LRIG2: variants seen among roughly 807,000 people sequenced by gnomAD.
The protein encoded by LRIG2 is leucine rich repeats and immunoglobulin like domains 2, also known as leucine-rich repeats and immunoglobulin-like domains protein 2.
In LRIG2, 93 loss-of-function variants were observed where a neutral mutation model predicts 107.8. The observed-to-expected ratio is 0.86, with a 90% confidence interval of 0.73 to 1.03. The LOEUF (loss-of-function observed/expected upper bound fraction) is 1.03, where lower values mean the gene tolerates loss of function less well. LRIG2 is among the 50% of genes least tolerant of loss of function. The probability of loss-of-function intolerance (pLI) is 0.00; values close to 1 mark genes in which losing one functional copy is unlikely to be tolerated. For missense variants in LRIG2, 1,226 were observed against 1,296.0 expected (o/e 0.95, Z 0.83); for synonymous variants, 471 against 470.6 (o/e 1.00, Z -0.01).
At position 113,124,136 on chromosome 1, in the gene LRIG2, AT is replaced by A. The variant is rs755768387; in HGVS notation, c.*37del. The A allele has an allele frequency of 6.3e-7, 1 of 1,585,488 alleles. No homozygotes were observed. The highest frequency in any genetic ancestry group is 1.3e-5 in the African/African-American group (1 of 74,370). ...CAGGATGAAATCTGGGCAGAGACTT[AT>A]TAATTAATTTTGCATTTACTACCTC... On this transcript the variant is annotated 3_prime_UTR_variant, in exon 18 of 18. Coordinates refer to ENST00000361127, the MANE Select transcript of LRIG2 (RefSeq NM_014813.3).
At chr1:113,102,068 A>C (rs1158192859) in intron 11 of LRIG2, among the ~76,000 whole-genome samples, 2 of 152,194 alleles carry the variant, frequency 1.3e-5, no homozygotes, top group Non-Finnish European at 2.9e-5. Flanking sequence ...TCTTTTGAAG[A>C]TACAGCATTT....
Position 113,095,869 on chromosome 1 carries a change from T to A in LRIG2, c.804-5T>A, listed in dbSNP as rs1490703374. The A allele has an allele frequency of 6.2e-7, 1 of 1,614,056 alleles. No individual in the cohort carries two copies. The highest frequency in any genetic ancestry group is 1.3e-5 in the African/African-American group (1 of 74,942). On this transcript the variant is annotated splice_region_variant and splice_polypyrimidine_tract_variant and intron_variant, in intron 6 of 17. Coordinates refer to ENST00000361127, the MANE Select transcript of LRIG2 (RefSeq NM_014813.3). ...GTATTTTCTTCTCTTTCTCTAATTC[T>A]GCAGAGAACTGGAACACAACAACCT...
chr1:113,087,271 A>G (rs1056787752), intron 1 of LRIG2, among the ~76,000 whole-genome samples: 5 of 152,242 alleles, frequency 3.3e-5, no homozygotes, highest in South Asian at 2.1e-4. Flanking sequence ...AGAGACTTCA[A>G]TTTTTAAAAT....
chr1:113,109,137 TCTG>T (rs1192031557), intron 12 of LRIG2, among the ~76,000 whole-genome samples: 1 of 152,244 alleles, frequency 6.6e-6, no homozygotes, highest in Admixed American at 6.5e-5. Flanking sequence ...AAGGTTAAAT[TCTG>T]CTGACATTGC....
intron 13 of LRIG2, among the ~76,000 whole-genome samples, chr1:113,111,561 G>GA (rs1654776028): frequency 6.6e-6 from 1 of 152,152 alleles, no homozygotes; most frequent in African/African-American, 2.4e-5. Flanking sequence ...ACTTATAAGT[G>GA]AGAACATATG....
At position 113,073,208 on chromosome 1, in the gene LRIG2, T is replaced by G; in HGVS notation, c.-199T>G. ...GCCGTGGGGAGGGGCGGACGAGAGG[T>G]GTCCGTCAGGCCGTGTGTCCCAGGC... On this transcript the variant is annotated 5_prime_UTR_variant, in exon 1 of 18. Coordinates refer to ENST00000361127, the MANE Select transcript of LRIG2 (RefSeq NM_014813.3). The G allele has an allele frequency of 1.7e-6, 1 of 578,874 alleles. No individual in the cohort carries two copies. Among genetic ancestry groups the G allele is most frequent in the Non-Finnish European group, 3.1e-6 (1 of 323,888 alleles). 35.9% of individuals were successfully genotyped at this position (578,874 alleles called of 1,614,324 possible).
intron 1 of LRIG2, among the ~76,000 whole-genome samples, chr1:113,080,266 A>T (rs1323819578): frequency 6.6e-6 from 1 of 151,834 alleles, no homozygotes; most frequent in Non-Finnish European, 1.5e-5. Flanking sequence ...TGATTGGCCC[A>T]CTTTGGCCTT....
In LRIG2 at chr1:113,107,589, T is replaced by G. The variant is rs558491746; in HGVS notation, c.1314-5T>G. ...AGGATGCTTTTCCTCTTTTCTTTCC[T>G]GCAGGATTCTGAACACAAGCAGTTT... is the stretch of plus-strand genomic sequence containing the variant. On this transcript the variant is annotated splice_polypyrimidine_tract_variant and splice_region_variant and intron_variant, in intron 11 of 17. Coordinates refer to ENST00000361127, the MANE Select transcript of LRIG2 (RefSeq NM_014813.3). 2 of 1,602,558 alleles carry G rather than the reference T, an allele frequency of 1.2e-6. No homozygotes were observed. Among genetic ancestry groups the G allele is most frequent in the Non-Finnish European group, 8.5e-7 (1 of 1,177,214 alleles).
At chr1:113,102,619 C>T (rs1465469659) in intron 11 of LRIG2, among the ~76,000 whole-genome samples, 1 of 151,806 alleles carries the variant, frequency 6.6e-6, no homozygotes, top group Non-Finnish European at 1.5e-5. Context: ...TCTAACTTAC[C>T]TTTTTTGTTG....
chr1:113,099,763 A>AT (rs1654229386), intron 9 of LRIG2, among the ~76,000 whole-genome samples: 1 of 152,242 alleles, frequency 6.6e-6, no homozygotes, highest in South Asian at 2.1e-4. Context: ...GAAGTAGAGC[A>AT]TTCTCTCACA....
chr1:113,111,995 G>A (rs150415254), intron 13 of LRIG2, among the ~76,000 whole-genome samples: 8 of 152,276 alleles, frequency 5.3e-5, no homozygotes, highest in African/African-American at 1.4e-4. Context: ...TCTAAAATAC[G>A]AAGTTCAAAG....
At position 113,093,539 on chromosome 1, in the gene LRIG2, T is replaced by C. The variant is rs1376168621; in HGVS notation, c.490T>C (p.Phe164Leu). 24 of 1,610,330 alleles carry C rather than the reference T, an allele frequency of 1.5e-5. No individual in the cohort carries two copies. Among genetic ancestry groups the C allele is most frequent in the Non-Finnish European group, 2.0e-5 (23 of 1,178,350 alleles). Residue 164 changes from phenylalanine (F) to leucine (L), a missense_variant, in exon 4 of 18, where the codon TTT becomes CTT. Transcript: ENST00000361127. ...AATATCAGAAATCAAGACATCTTCATTTCCTCGCATGCAGCTTAAATACCT... is the reference window on the plus strand; with the variant it reads ...AATATCAGAAATCAAGACATCTTCACTTCCTCGCATGCAGCTTAAATACCT... ...NIISEIKTSS[F>L]PRMQLKYLNL...
At position 113,091,360 on chromosome 1, in the gene LRIG2, G is replaced by A. The variant is rs767011154; in HGVS notation, c.282G>A (p.Leu94=). 8.0e-5 allele frequency: 128 copies of A among 1,601,496 alleles called. No homozygotes were observed. The highest frequency in any genetic ancestry group is 1.1e-4 in the Non-Finnish European group (126 of 1,172,624). The change falls in exon 2 of 18, where the codon TTG becomes TTA. Residue 94 remains leucine, a synonymous_variant. Transcript: ENST00000361127. ...HNRLSNWNIS[L]ESQTLQEVKM... is the part of the protein sequence containing the mutation. ...GGTTGTCTAACTGGAACATCAGCTT[G>A]GAATCACAAACATTACAGGAAGTGT...
At chr1:113,115,078 C>T (rs1654946537) in intron 15 of LRIG2, among the ~76,000 whole-genome samples, 1 of 152,160 alleles carries the variant, frequency 6.6e-6, no homozygotes, top group South Asian at 2.1e-4. Flanking sequence ...ACCTCATCTT[C>T]CCCCTCAAAA....
chr1:113,094,005 TTTTG>T (rs1367347491), intron 4 of LRIG2, among the ~76,000 whole-genome samples: 5 of 152,138 alleles, frequency 3.3e-5, no homozygotes, highest in African/African-American at 4.8e-5. Context: ...TGAGATTCAA[TTTTG>T]TTTGTTTTTT....
chr1:113,097,539 C>G (rs1654119541), intron 8 of LRIG2, among the ~76,000 whole-genome samples: 1 of 152,112 alleles, frequency 6.6e-6, no homozygotes, highest in African/African-American at 2.4e-5. Context: ...CCTATATTAT[C>G]AGAAGTGAAA....
intron 9 of LRIG2, among the ~76,000 whole-genome samples, chr1:113,099,524 G>GC (rs1006484896): frequency 1.3e-5 from 2 of 152,024 alleles, no homozygotes; most frequent in Non-Finnish European, 2.9e-5. Flanking sequence ...ATAGGCATGA[G>GC]CCCCCATGCC....
intron 17 of LRIG2, 29 bp downstream of exon 17, chr1:113,119,552 G>A (rs1196698821): frequency 6.2e-7 from 1 of 1,602,406 alleles, no homozygotes; most frequent in Non-Finnish European, 8.5e-7. Flanking sequence ...TTGTTATTTT[G>A]TTTTTACTTT....
intron 12 of LRIG2, 73 bp from the exon 13 acceptor site, chr1:113,110,169 G>A (rs545363721): frequency 2.8e-6 from 3 of 1,064,884 alleles, no homozygotes; most frequent in East Asian, 2.5e-5. Flanking sequence ...CAATTTTATA[G>A]TATTTTTTAA....
Sources: allele counts gnomAD v4.1 joint callset (sites outside exome capture counted in the v4.1 genomes callset), GRCh38; gene constraint gnomAD v4.1.1; transcripts MANE v1.5; gene names NCBI Gene and HGNC (gene_info 2026-07-23, HGNC 2026-07-21).